Variants in MBNL1 observed in about 807,000 individuals in gnomAD.
MBNL1 encodes muscleblind like splicing regulator 1, also known as muscleblind-like protein 1.
In MBNL1, 8 loss-of-function variants were observed where a neutral mutation model predicts 42.2. The ratio of observed to expected loss-of-function variants is 0.19; its 90% CI spans 0.11 to 0.34. MBNL1 has a LOEUF of 0.34. Among genes scored for constraint, MBNL1 ranks in the 10% least tolerant of loss-of-function variants. The pLI is 1.00. For missense variants in MBNL1, 309 were observed against 495.3 expected (o/e 0.62, Z 3.57); for synonymous variants, 169 against 173.9 (o/e 0.97, Z 0.22).
chr3:152,307,660 G>A lies in MBNL1; in HGVS notation c.174+7293G>A, dbSNP rs922695388. The stretch of plus-strand genomic sequence containing the variant: ...TGCAAGGTCAGTCAGCCAGTAAAAT[G>A]TGGACTTGGAGCCTCGTAATCTGAT... On this transcript the variant is annotated intron_variant, in intron 2 of 9. Transcript: ENST00000324210. 2.0e-5 allele frequency among the ~76,000 whole-genome samples: 3 copies of A among 152,192 alleles called. No individual in the cohort carries two copies. In the South Asian group the frequency reaches 6.2e-4, roughly 32 times the overall value.
upstream of MBNL1, chr3:152,267,022 T>C (rs1031884968): frequency 6.6e-6 from 1 of 152,274 alleles, no homozygotes; most frequent in African/African-American, 2.4e-5. Flanking sequence ...TCTCCTGTAC[T>C]ACCCTACCCT....
intron 2 of MBNL1, among the ~76,000 whole-genome samples, chr3:152,311,065 G>A (rs377688341): frequency 2.1e-5 from 3 of 141,242 alleles, no homozygotes; most frequent in African/African-American, 8.1e-5. Context: ...CTGGAGTGTG[G>A]TGGTGCCATC....
intron 2 of MBNL1, among the ~76,000 whole-genome samples, chr3:152,387,854 TTG>T (rs1402214852): frequency 1.3e-5 from 2 of 152,168 alleles, no homozygotes; most frequent in Non-Finnish European, 2.9e-5. Flanking sequence ...GTGGGTATAT[TTG>T]TATGAATTTA....
intron 2 of MBNL1, among the ~76,000 whole-genome samples, chr3:152,392,668 G>A (rs1441881031): frequency 6.6e-6 from 1 of 152,090 alleles, no homozygotes; most frequent in African/African-American, 2.4e-5. Context: ...TTATGTAATA[G>A]CCTTAACTGG....
At chr3:152,443,290 G>T (rs1372177733) in intron 4 of MBNL1, among the ~76,000 whole-genome samples, 1 of 150,562 alleles carries the variant, frequency 6.6e-6, no homozygotes, top group African/African-American at 2.4e-5. Context: ...TGGAAAAGTA[G>T]AGTATTAGTT....
intron 3 of MBNL1, among the ~76,000 whole-genome samples, chr3:152,425,235 G>A (rs185676971): frequency 1.2e-3 from 187 of 151,936 alleles, no homozygotes; most frequent in African/African-American, 4.3e-3. Context: ...ATCAACAAGT[G>A]GGCAAAGGAT....
intron 2 of MBNL1, among the ~76,000 whole-genome samples, chr3:152,388,580 C>A (rs778398769): frequency 1.3e-5 from 2 of 152,184 alleles, no homozygotes; most frequent in Non-Finnish European, 2.9e-5. Context: ...CCAGCTCTTA[C>A]CTTTACCTAC....
At chr3:152,281,559 C>T (rs901637235) in intron 1 of MBNL1, among the ~76,000 whole-genome samples, 1 of 152,026 alleles carries the variant, frequency 6.6e-6, no homozygotes, top group Non-Finnish European at 1.5e-5. Context: ...TCTACTCATA[C>T]CTAATACCCT....
At chr3:152,318,254 C>A (rs1308978178) in intron 2 of MBNL1, among the ~76,000 whole-genome samples, 3 of 152,148 alleles carry the variant, frequency 2.0e-5, no homozygotes, top group African/African-American at 7.2e-5. Context: ...AAGAAAAAAG[C>A]AGTCTCACGT....
chr3:152,442,051 C>G (rs2099152388), intron 4 of MBNL1, among the ~76,000 whole-genome samples: 1 of 152,128 alleles, frequency 6.6e-6, no homozygotes, highest in South Asian at 2.1e-4. Flanking sequence ...CCTCAGCCTC[C>G]CAAAGTACTG....
chr3:152,453,611 G>C (rs1385328519), intron 6 of MBNL1, among the ~76,000 whole-genome samples: 2 of 152,140 alleles, frequency 1.3e-5, no homozygotes, highest in Non-Finnish European at 2.9e-5. Flanking sequence ...TTTGGTAAGT[G>C]GGTCCTACAG....
chr3:152,424,246 T>C (rs1580176817), intron 3 of MBNL1, among the ~76,000 whole-genome samples: 2 of 152,196 alleles, frequency 1.3e-5, no homozygotes, highest in Non-Finnish European at 2.9e-5. Context: ...AAAATCAATG[T>C]GCAAAAATCA....
intron 2 of MBNL1, among the ~76,000 whole-genome samples, chr3:152,375,634 G>A (rs2096864710): frequency 6.6e-6 from 1 of 151,928 alleles, no homozygotes; most frequent in South Asian, 2.1e-4. Flanking sequence ...TAAGCCCCAG[G>A]CTATTCTTCT....
At chr3:152,428,283 A>G (rs1473835154) in intron 3 of MBNL1, among the ~76,000 whole-genome samples, 1 of 152,224 alleles carries the variant, frequency 6.6e-6, no homozygotes, top group Non-Finnish European at 1.5e-5. Context: ...TGCTAAACGC[A>G]GCGTATACAT....
At position 152,463,381 on chromosome 3, in the gene MBNL1, TGAG is replaced by T. The variant is rs1183604598; in HGVS notation, c.*1018_*1020del. Reference sequence around the variant, plus strand: ...TTTCTGAGACACAGTAACAAAAAAATGAGGAAATTATTTTGCTTCTATTTATAG... The same window carrying T: ...TTTCTGAGACACAGTAACAAAAAAATGAAATTATTTTGCTTCTATTTATAG... On this transcript the variant is annotated 3_prime_UTR_variant, in exon 10 of 10. Transcript: ENST00000324210. The T allele has an allele frequency of 1.3e-5, 2 of 152,350 alleles. No homozygotes were observed. The highest frequency in any genetic ancestry group is 2.9e-5 in the Non-Finnish European group (2 of 67,910). The allele number at this position is 152,350 out of a possible 1,614,324, so 9.4% of individuals were successfully genotyped here. A position where few individuals can be genotyped will look rare whatever the true frequency, so the allele number is the denominator to read the frequency against.
intron 3 of MBNL1, among the ~76,000 whole-genome samples, chr3:152,418,667 C>A (rs1486079817): frequency 7.2e-6 from 1 of 138,038 alleles, no homozygotes. Flanking sequence ...CCTTCCTCAA[C>A]AAATGGTGAA....
At chr3:152,390,645 A>ACACACACT (rs753471201) in intron 2 of MBNL1, among the ~76,000 whole-genome samples, 12 of 150,188 alleles carry the variant, frequency 8.0e-5, no homozygotes, top group African/African-American at 2.7e-4. Flanking sequence ...ACACACACAC[A>ACACACACT]CTCTGATATA....
chr3:152,306,992 A>G (rs756245464), intron 2 of MBNL1, among the ~76,000 whole-genome samples: 39 of 152,128 alleles, frequency 2.6e-4, no homozygotes, highest in Non-Finnish European at 4.7e-4. Flanking sequence ...AACTGTACTT[A>G]TTTATTTATT....
chr3:152,292,960 G>A (rs1397815276), intron 1 of MBNL1, among the ~76,000 whole-genome samples: 2 of 151,750 alleles, frequency 1.3e-5, no homozygotes, highest in Non-Finnish European at 2.9e-5. Context: ...GTAGATATAG[G>A]GTCCTACTAT....
Sources: gnomAD v4.1 joint callset for allele counts (sites outside exome capture counted in the v4.1 genomes callset) on GRCh38, gnomAD v4.1.1 for gene constraint, MANE v1.5 for transcripts, NCBI Gene and HGNC (gene_info 2026-07-23, HGNC 2026-07-21) for gene names.